PIP5K1C: variants seen among roughly 807,000 people sequenced by gnomAD.
PIP5K1C encodes the protein phosphatidylinositol 4-phosphate 5-kinase type-1 gamma.
A neutral mutation model predicts 80.1 loss-of-function variants in PIP5K1C; 45 were observed. The ratio of observed to expected loss-of-function variants is 0.56; its 90% confidence interval spans 0.44 to 0.72. The LOEUF is 0.72. Among genes scored for constraint, PIP5K1C ranks in the 30% least tolerant of loss-of-function variants. The pLI is 0.00. For synonymous variants in PIP5K1C, 498 were observed against 420.1 expected (o/e 1.19, Z -2.27); for missense variants, 753 against 954.6 (o/e 0.79, Z 2.78).
chr19:3,641,747 G>A lies in PIP5K1C; in HGVS notation c.1745C>T (p.Ala582Val), dbSNP rs750051199. 31 of 1,611,198 alleles carry A rather than the reference G, an allele frequency of 1.9e-5. No homozygotes were observed. Among genetic ancestry groups the A allele is most frequent in the Middle Eastern group, 1.7e-4 (1 of 6,050 alleles). The change falls in exon 15 of 18, where the codon GCG becomes GTG. Residue 582 changes from alanine to valine, a missense_variant. Ala to Val is a moderately conservative substitution (Grantham distance 64, BLOSUM62 0). Around this residue, in one of 6 missense-constraint regions of PIP5K1C, gnomAD observed 315 missense variants for 294.5 expected, o/e 1.07. Coordinates refer to ENST00000335312, the MANE Select transcript of PIP5K1C (RefSeq NM_012398.3). Reference sequence around the variant, plus strand: ...GGGGACCACAATCTCCACGCTGCACGCAGGCTCCACCTGCACTGTAATCTG... The same window carrying A: ...GGGGACCACAATCTCCACGCTGCACACAGGCTCCACCTGCACTGTAATCTG... ...LQQITVQVEPACSVEIVVPKE... is the reference protein window; with the variant it reads ...LQQITVQVEPVCSVEIVVPKE...
At chr19:3,678,353 G>A (rs2035462926) in intron 1 of PIP5K1C, among the ~76,000 whole-genome samples, 1 of 139,674 alleles carries the variant, frequency 7.2e-6, no homozygotes, top group African/African-American at 2.7e-5. Context: ...GGCATGGAGG[G>A]ATGGAGGAAT....
intron 1 of PIP5K1C, among the ~76,000 whole-genome samples, chr19:3,675,955 T>G (rs1380035575): frequency 6.6e-6 from 1 of 152,180 alleles, no homozygotes; most frequent in African/African-American, 2.4e-5. Flanking sequence ...GTTAAACCCT[T>G]GGGTGAGATG....
At chr19:3,645,405 T>C (rs919294544) in intron 11 of PIP5K1C, among the ~76,000 whole-genome samples, 3 of 152,172 alleles carry the variant, frequency 2.0e-5, no homozygotes, top group African/African-American at 7.2e-5. Context: ...GTCCAGATGC[T>C]ACAGTGGCCC....
chr19:3,640,862 AT>A (rs1218786683), intron 15 of PIP5K1C, among the ~76,000 whole-genome samples: 6 of 151,338 alleles, frequency 4.0e-5, no homozygotes, highest in Admixed American at 3.9e-4. Flanking sequence ...AATTTTTGCT[AT>A]TTTTTAGTAG....
rs2035862023 is a variant in PIP5K1C at position 3,688,964 on chromosome 19, G to GA, written c.94+11332_94+11333insT. Among the ~76,000 whole-genome samples the GA allele has an allele frequency of 6.6e-6, 1 of 152,120 alleles. No homozygotes were observed. Among genetic ancestry groups the GA allele is most frequent in the South Asian group, 2.1e-4 (1 of 4,818 alleles). On this transcript the variant is annotated intron_variant, in intron 1 of 17. Coordinates refer to ENST00000335312, the MANE Select transcript of PIP5K1C (RefSeq NM_012398.3). The surrounding 1 kb of genome is among the most constrained non-coding windows in gnomAD (Gnocchi z 5.3). The stretch of plus-strand genomic sequence containing the variant: ...CCGGGATGGGGCTGGGGGGTGGGGG[G>GA]GGCTTGGCGCACGCGGCCTATGGTC...
intron 5 of PIP5K1C, among the ~76,000 whole-genome samples, chr19:3,659,080 T>TA (rs1056909552): frequency 2.0e-5 from 3 of 152,098 alleles, no homozygotes; most frequent in Admixed American, 1.3e-4. Flanking sequence ...CTACCCCCCT[T>TA]ACCAGGGGGG....
rs373161231 is a variant in PIP5K1C, at chr19:3,641,690, C to T, written c.1787+15G>A. On this transcript the variant is annotated intron_variant, in intron 15 of 17. Coordinates refer to ENST00000335312, the MANE Select transcript of PIP5K1C (RefSeq NM_012398.3). ...GCAGGTGGGCGCCCCGACCTCCCGC[C>T]GAGGCCGTGCTCACCCTGCGTCCTC... 4.9e-5 allele frequency: 79 copies of T among 1,599,966 alleles called. No homozygotes were observed. Among genetic ancestry groups the T allele is most frequent in the Non-Finnish European group, 2.1e-5 (25 of 1,176,460 alleles).
rs538056938 is a variant in PIP5K1C, at chr19:3,671,100, C to G, written c.95-3747G>C. Among the ~76,000 whole-genome samples, 86 of 152,286 alleles carry G rather than the reference C, an allele frequency of 5.6e-4. 2 individuals carry two copies. Among genetic ancestry groups the G allele is most frequent in the Admixed American group, 2.0e-4 (3 of 15,306 alleles). ...GCAGGAAGCCAGCGGTGGGCCGGGG[C>G]GGGACGTTCCAGACCTCATCGGGGG... On this transcript the variant is annotated intron_variant, in intron 1 of 17. Coordinates refer to ENST00000335312, the MANE Select transcript of PIP5K1C (RefSeq NM_012398.3).
At chr19:3,656,650 T>C (rs995841471) in intron 5 of PIP5K1C, 93 bp from the exon 6 acceptor site, 33 of 1,423,904 alleles carry the variant, frequency 2.3e-5, no homozygotes, top group Non-Finnish European at 2.9e-5. Context: ...CAGGAACTGA[T>C]GACGGGTCGC....
intron 1 of PIP5K1C, among the ~76,000 whole-genome samples, chr19:3,693,424 A>G (rs1215547012): frequency 6.6e-6 from 1 of 152,162 alleles, no homozygotes; most frequent in African/African-American, 2.4e-5. Flanking sequence ...AGGCAGGTGC[A>G]GGGGCTCCGA....
intron 11 of PIP5K1C, among the ~76,000 whole-genome samples, 183 bp downstream of exon 11, chr19:3,645,791 G>A (rs1276094131): frequency 1.3e-5 from 2 of 152,212 alleles, no homozygotes; most frequent in Non-Finnish European, 2.9e-5. Flanking sequence ...CTCTACCGCT[G>A]TGCAGAGCAA....
rs1214872066 is a variant in PIP5K1C at position 3,637,654 on chromosome 19, A to G, written c.1920+1230T>C. The G allele has an allele frequency of 3.3e-6, 5 of 1,513,428 alleles. No homozygotes were observed. The highest frequency in any genetic ancestry group is 4.0e-4 in the Middle Eastern group (2 of 5,026). 93.7% of individuals were successfully genotyped at this position (1,513,428 alleles called of 1,614,324 possible). A position where few individuals can be genotyped will look rare whatever the true frequency, so the allele number is the denominator to read the frequency against. On this transcript the variant is annotated intron_variant, in intron 16 of 17. Coordinates refer to ENST00000335312, the MANE Select transcript of PIP5K1C (RefSeq NM_012398.3). This position sits in a 1 kb window ranked among gnomAD's most constrained non-coding sequence, Gnocchi z 7.0. Reference sequence around the variant, plus strand: ...CGGGTGGGCCGGAGGAGGAAGGAAAACAGAGGACAGCGGATGAGGCGGCCA... The same window carrying G: ...CGGGTGGGCCGGAGGAGGAAGGAAAGCAGAGGACAGCGGATGAGGCGGCCA...
At chr19:3,646,277 G>A (rs1425769689) in intron 10 of PIP5K1C, among the ~76,000 whole-genome samples, 1 of 152,174 alleles carries the variant, frequency 6.6e-6, no homozygotes, top group African/African-American at 2.4e-5. Context: ...ATGGGTGGAG[G>A]CTTTTCCACT....
At position 3,656,604 on chromosome 19, in the gene PIP5K1C, AC is replaced by A. The variant is rs1568330450; in HGVS notation, c.469-48del. 4.4e-6 allele frequency: 7 copies of A among 1,605,082 alleles called. No individual in the cohort carries two copies. The Admixed American group carries it at 1.0e-4, about 23-fold the overall frequency. Reference sequence around the variant, plus strand: ...CAGCGGGCCCCAAGCTGCCGGACACACAGACAGCACTGGCTTCCGGTCTGCC... The same window carrying A: ...CAGCGGGCCCCAAGCTGCCGGACACAAGACAGCACTGGCTTCCGGTCTGCC... On this transcript the variant is annotated intron_variant, in intron 5 of 17. Coordinates refer to ENST00000335312, the MANE Select transcript of PIP5K1C (RefSeq NM_012398.3).
At chr19:3,685,271 G>A (rs2035720713) in intron 1 of PIP5K1C, among the ~76,000 whole-genome samples, 5 of 152,204 alleles carry the variant, frequency 3.3e-5, no homozygotes. Flanking sequence ...TAATGTGTGT[G>A]CCCTTGGCAG....
At chr19:3,653,693 C>T in intron 6 of PIP5K1C, 104 bp from the exon 7 acceptor site, 4 of 1,075,902 alleles carry the variant, frequency 3.7e-6, no homozygotes, top group Non-Finnish European at 5.3e-6. Flanking sequence ...TGCCCCTGGC[C>T]AGCCCCCCTC....
chr19:3,665,618 G>A (rs1158183556), intron 2 of PIP5K1C, among the ~76,000 whole-genome samples: 4 of 152,092 alleles, frequency 2.6e-5, no homozygotes, highest in African/African-American at 4.8e-5. Context: ...CTGTGAGACC[G>A]CTGGGATGGA....
chr19:3,684,507 G>C (rs2035690535), intron 1 of PIP5K1C, among the ~76,000 whole-genome samples: 1 of 152,244 alleles, frequency 6.6e-6, no homozygotes. Context: ...CGATGCTGGG[G>C]CCAGGCTGGA....
rs987266834 is a variant in PIP5K1C, at chr19:3,633,060, C to T, written c.*107G>A. 25 of 678,198 alleles carry T rather than the reference C, an allele frequency of 3.7e-5. No individual in the cohort carries two copies. Among genetic ancestry groups the T allele is most frequent in the Admixed American group, 1.3e-4 (6 of 47,410 alleles). 42.0% of individuals were successfully genotyped at this position (678,198 alleles called of 1,614,324 possible). A position where few individuals can be genotyped will look rare whatever the true frequency, so the allele number is the denominator to read the frequency against. Reference sequence around the variant, plus strand: ...GGGAGGACGAGGTCCGGTGGGGCGGCGAGGCGGGCATCTCCCGAGCTCTGG... The same window carrying T: ...GGGAGGACGAGGTCCGGTGGGGCGGTGAGGCGGGCATCTCCCGAGCTCTGG... On this transcript the variant is annotated 3_prime_UTR_variant, in exon 18 of 18. Transcript: ENST00000335312.
Sources: allele counts gnomAD v4.1 joint callset (sites outside exome capture counted in the v4.1 genomes callset), GRCh38; gene constraint gnomAD v4.1.1; regional missense constraint gnomAD v4.1.1; non-coding constraint Gnocchi (gnomAD v3.1); transcripts MANE v1.5; gene names NCBI Gene and HGNC (gene_info 2026-07-23, HGNC 2026-07-21).